The following N4BP2 variants were observed in gnomAD, a reference collection of about 807,000 sequenced individuals.
The protein encoded by N4BP2 is NEDD4-binding protein 2.
In N4BP2, 91 loss-of-function variants were observed where a neutral mutation model predicts 152.8. That is an observed-to-expected ratio of 0.60 (90% CI 0.50 to 0.71). The LOEUF is 0.71. Among genes scored for constraint, N4BP2 ranks in the 30% least tolerant of loss-of-function variants. The pLI is 0.00. For synonymous variants in N4BP2, 646 were observed against 705.3 expected, an observed-to-expected ratio of 0.92 and a Z score of 1.33; for missense variants, 1,923 against 2,059.1, an observed-to-expected ratio of 0.93 and a Z score of 1.28.
In N4BP2 at chr4:40,121,229, A is replaced by G. The variant is rs1383877933; in HGVS notation, c.3118A>G (p.Lys1040Glu). The G allele has an allele frequency of 1.9e-6, 3 of 1,613,614 alleles. No individual in the cohort carries two copies. The highest frequency in any genetic ancestry group is 1.7e-5 in the Admixed American group (1 of 59,866). ...KNKISISDSIKVLTGRLDGFK... is the reference protein window; with the variant it reads ...KNKISISDSIEVLTGRLDGFK... ...TAAAATTAGCATTTCAGATTCTATC[A>G]AAGTATTAACAGGAAGATTAGATGG... The change falls in exon 9 of 18, where the codon AAA becomes GAA. Residue 1040 changes from lysine to glutamate, a missense_variant. Physicochemically the swap from Lys to Glu is moderately conservative, Grantham distance 56 (BLOSUM62 1). Transcript: ENST00000261435.
rs892482711 is a variant in N4BP2 at position 40,104,928 on chromosome 4, C to T, written c.1373+1710C>T. ...CACGCCATTCTCCTGCCTCGGCCTC[C>T]GGAGTAGCGGGACTACAGCCACTGC... On this transcript the variant is annotated intron_variant, in intron 4 of 17. Coordinates refer to ENST00000261435, the MANE Select transcript of N4BP2 (RefSeq NM_018177.6). Among the ~76,000 whole-genome samples the T allele has an allele frequency of 2.0e-5, 3 of 151,976 alleles. No homozygotes were observed. In the East Asian group the frequency reaches 5.8e-4, roughly 30 times the overall value.
Position 40,085,547 on chromosome 4 carries a change from C to T in N4BP2, c.-114-11680C>T, listed in dbSNP as rs537327242. Among the ~76,000 whole-genome samples the T allele has an allele frequency of 2.8e-4, 42 of 152,244 alleles. No homozygotes were observed. In the South Asian group the frequency reaches 8.3e-3, roughly 30 times the overall value. ...TCATAGCTCAGTGCAGCCTCCAACT[C>T]CTAGAGTCAAGTGATCCTCCTGCCT... On this transcript the variant is annotated intron_variant, in intron 2 of 17. Transcript: ENST00000261435.
intron 2 of N4BP2, among the ~76,000 whole-genome samples, chr4:40,074,135 G>C (rs1712489865): frequency 6.6e-6 from 1 of 150,850 alleles, no homozygotes; most frequent in Non-Finnish European, 1.5e-5. Flanking sequence ...CTATTGCTCA[G>C]GCTGGAGTGC....
intron 16 of N4BP2, among the ~76,000 whole-genome samples, chr4:40,146,184 T>TAAATAAATA (rs1720503113): frequency 6.6e-6 from 1 of 151,644 alleles, no homozygotes; most frequent in African/African-American, 2.4e-5. Flanking sequence ...AATAAATAAA[T>TAAATAAATA]AAATAAAATA....
At chr4:40,094,327 G>A (rs1239998145) in intron 2 of N4BP2, among the ~76,000 whole-genome samples, 3 of 152,064 alleles carry the variant, frequency 2.0e-5, no homozygotes, top group Non-Finnish European at 2.9e-5. Context: ...GTTGTTGGGT[G>A]GAGTGTTCTG....
rs1721702362 is a variant in N4BP2 at position 40,157,543 on chromosome 4, T to C, written c.*3306T>C. On this transcript the variant is annotated 3_prime_UTR_variant, in exon 18 of 18. Coordinates refer to ENST00000261435, the MANE Select transcript of N4BP2 (RefSeq NM_018177.6). The stretch of plus-strand genomic sequence containing the variant: ...ACTTTGGAAACTCAGGAAATTGCTC[T>C]GACAATGTTTTAACTGCTCTCAATT... 2 of 152,166 alleles carry C rather than the reference T, an allele frequency of 1.3e-5. No homozygotes were observed. 9.4% of individuals were successfully genotyped at this position (152,166 alleles called of 1,614,324 possible).
At chr4:40,112,420 T>C (rs569344652) in intron 6 of N4BP2, among the ~76,000 whole-genome samples, 1 of 152,192 alleles carries the variant, frequency 6.6e-6, no homozygotes, top group Non-Finnish European at 1.5e-5. Flanking sequence ...TTGGGGTCTT[T>C]TATGAAAAGG....
chr4:40,102,802 A>C lies in N4BP2; in HGVS notation c.957A>C (p.Leu319=). The C allele has an allele frequency of 6.2e-7, 1 of 1,614,146 alleles. No homozygotes were observed. Among genetic ancestry groups the C allele is most frequent in the Non-Finnish European group, 8.5e-7 (1 of 1,180,028 alleles). Residue 319 remains leucine (L), a synonymous_variant, in exon 4 of 18, where the codon CTA becomes CTC. Transcript: ENST00000261435. ...QKSTRVSDVF[L]PSEGFNFKPH... ...CTACTCGGGTCTCTGATGTGTTTCTACCTTCCGAAGGGTTCAACTTCAAGC... is the reference window on the plus strand; with the variant it reads ...CTACTCGGGTCTCTGATGTGTTTCTCCCTTCCGAAGGGTTCAACTTCAAGC...
chr4:40,139,825 TTTC>T (rs1461922671), intron 14 of N4BP2, among the ~76,000 whole-genome samples: 2 of 149,460 alleles, frequency 1.3e-5, no homozygotes, highest in African/African-American at 4.9e-5. Context: ...TACATTTTTT[TTTC>T]TTTTTTTTTT....
the N4BP2 span, among the ~76,000 whole-genome samples, chr4:40,179,080 T>C: frequency 2.0e-5 from 3 of 151,946 alleles, no homozygotes; most frequent in Admixed American, 6.6e-5. Flanking sequence ...TATTAAAACG[T>C]TTTGGAGGCT....
the N4BP2 span, among the ~76,000 whole-genome samples, chr4:40,173,167 T>A: frequency 6.7e-6 from 1 of 150,300 alleles, no homozygotes; most frequent in Non-Finnish European, 1.5e-5. Flanking sequence ...CTTGAACCCC[T>A]TGTCCCCTTA....
At position 40,102,666 on chromosome 4, in the gene N4BP2, G is replaced by A. The variant is rs1447156226; in HGVS notation, c.821G>A (p.Cys274Tyr). The A allele has an allele frequency of 1.9e-6, 3 of 1,614,016 alleles. No individual in the cohort carries two copies. The highest frequency in any genetic ancestry group is 2.2e-5 in the South Asian group (2 of 91,082). The change falls in exon 4 of 18, where the codon TGC (cysteine) becomes TAC (tyrosine). Residue 274 changes from cysteine to tyrosine, a missense_variant. Cys to Tyr is a radical substitution (Grantham distance 194). Coordinates refer to ENST00000261435, the MANE Select transcript of N4BP2 (RefSeq NM_018177.6). ...CAGAAAGAACTTTTAGAATCTGAGT[G>A]CGTTGAGGCTCAATTCTCTGAAGCT... ...QKQKELLESE[C>Y]VEAQFSEAPV...
intron 17 of N4BP2, 118 bp from the exon 18 acceptor site, chr4:40,154,074 C>A: frequency 1.4e-6 from 1 of 703,706 alleles, no homozygotes; most frequent in Non-Finnish European, 2.4e-6. Context: ...TAATAAGGGT[C>A]AATACTTTGG....
In N4BP2 at chr4:40,157,982, C is replaced by T. The variant is rs1450014411; in HGVS notation, c.*3745C>T. The T allele has an allele frequency of 6.6e-6, 1 of 152,044 alleles. No individual in the cohort carries two copies. Among genetic ancestry groups the T allele is most frequent in the East Asian group, 1.9e-4 (1 of 5,188 alleles). 9.4% of individuals were successfully genotyped at this position (152,044 alleles called of 1,614,324 possible). ...AAGTTGAGCAATTGACTTTTATGGT[C>T]CAATGATGAACTTATTATTAATAAA... On this transcript the variant is annotated 3_prime_UTR_variant, in exon 18 of 18. Coordinates refer to ENST00000261435, the MANE Select transcript of N4BP2 (RefSeq NM_018177.6).
intron 14 of N4BP2, among the ~76,000 whole-genome samples, chr4:40,140,665 T>TA (rs1719836766): frequency 6.6e-6 from 1 of 151,560 alleles, no homozygotes; most frequent in South Asian, 2.1e-4. Context: ...CACAGGACAA[T>TA]AGTGGAGGGA....
chr4:40,093,808 C>A (rs1188335607), intron 2 of N4BP2, among the ~76,000 whole-genome samples: 4 of 151,776 alleles, frequency 2.6e-5, no homozygotes, highest in Non-Finnish European at 5.9e-5. Flanking sequence ...CCATGTTGGC[C>A]AGGCTGGTCT....
intron 14 of N4BP2, among the ~76,000 whole-genome samples, chr4:40,137,617 A>T (rs1475390753): frequency 6.6e-6 from 1 of 152,214 alleles, no homozygotes; most frequent in Non-Finnish European, 1.5e-5. Context: ...AGACGTGCAG[A>T]CATGGAAGTG....
At chr4:40,069,329 C>G (rs1711906258) in intron 1 of N4BP2, among the ~76,000 whole-genome samples, 1 of 151,658 alleles carries the variant, frequency 6.6e-6, no homozygotes, top group African/African-American at 2.4e-5. Context: ...ATCCCAGCTA[C>G]TCGGAGGCTG....
rs376571491 is a variant in N4BP2, at chr4:40,117,709, G to C, written c.1665-160G>C. Among the ~76,000 whole-genome samples, 73 of 152,228 alleles carry C rather than the reference G, an allele frequency of 4.8e-4. 1 individual carries two copies. In the East Asian group the frequency reaches 5.4e-3, roughly 11 times the overall value. ...TAATTTAAGAAATCCTTAATAAAAT[G>C]AAAATTAGAATCAAATTGTATATAT... On this transcript the variant is annotated intron_variant, in intron 7 of 17. Coordinates refer to ENST00000261435, the MANE Select transcript of N4BP2 (RefSeq NM_018177.6).
Sources: gnomAD v4.1 joint callset for allele counts (sites outside exome capture counted in the v4.1 genomes callset) on GRCh38, gnomAD v4.1.1 for gene constraint, MANE v1.5 for transcripts, NCBI Gene and HGNC (gene_info 2026-07-23, HGNC 2026-07-21) for gene names.